MEIG1: variants seen among roughly 807,000 people sequenced by gnomAD.
The protein encoded by MEIG1 is meiosis/spermiogenesis associated 1.
In MEIG1, 12 loss-of-function variants were observed where a neutral mutation model predicts 11.3. That is an observed-to-expected ratio of 1.07 (90% CI 0.68 to 1.73). The LOEUF (loss-of-function observed/expected upper bound fraction) is 1.73. Among genes scored for constraint, MEIG1 ranks in the 40% most tolerant of loss-of-function variants. The pLI is 0.00. For missense variants in MEIG1, 119 were observed against 104.9 expected (o/e 1.13, Z -0.59); for synonymous variants, 41 against 33.2 (o/e 1.24, Z -0.81).
chr10:14,979,558 C>G (rs553710318), intron 1 of MEIG1, among the ~76,000 whole-genome samples: 115 of 152,074 alleles, frequency 7.6e-4, no homozygotes, highest in South Asian at 1.5e-3. Context: ...TACTAATATT[C>G]TAGCGGGATT....
downstream of MEIG1, among the ~76,000 whole-genome samples, chr10:14,976,846 G>T (rs146123342): frequency 0.012 from 1,770 of 152,072 alleles, 23 homozygotes; most frequent in Non-Finnish European, 0.018. Context: ...ACCCTGTCAT[G>T]AAATTCCTAA....
chr10:14,976,252 T>C (rs1843208719), downstream of MEIG1, among the ~76,000 whole-genome samples: 1 of 152,142 alleles, frequency 6.6e-6, no homozygotes, highest in Non-Finnish European at 1.5e-5. Context: ...GTCACCGGGG[T>C]ATACACCCTG....
upstream of MEIG1, among the ~76,000 whole-genome samples, chr10:14,957,944 C>T (rs1255204942): frequency 2.0e-5 from 3 of 152,216 alleles, no homozygotes; most frequent in African/African-American, 7.2e-5. Flanking sequence ...CCGCGCCCGG[C>T]CTTGACTTAG....
At chr10:14,957,471 C>T (rs559508419), upstream of MEIG1, among the ~76,000 whole-genome samples, 2 of 152,312 alleles carry the variant, frequency 1.3e-5, no homozygotes, top group South Asian at 4.1e-4. Flanking sequence ...GCCAGTGTGG[C>T]TGCAGCAGAA....
chr10:14,978,773 A>G (rs904180242), intron 1 of MEIG1, among the ~76,000 whole-genome samples: 7 of 151,948 alleles, frequency 4.6e-5, no homozygotes, highest in Non-Finnish European at 8.8e-5. Context: ...ATTATTCGTA[A>G]TATCCTAGCG....
At chr10:14,980,203 G>T (rs1843250176) in intron 1 of MEIG1, among the ~76,000 whole-genome samples, 1 of 151,944 alleles carries the variant, frequency 6.6e-6, no homozygotes, top group African/African-American at 2.4e-5. Context: ...AGTATCCCAG[G>T]GGGATGTTAC....
At chr10:14,971,916 A>G (rs1843155396) in intron 2 of MEIG1, among the ~76,000 whole-genome samples, 1 of 152,190 alleles carries the variant, frequency 6.6e-6, no homozygotes, top group African/African-American at 2.4e-5. Flanking sequence ...CAGCAGTTCC[A>G]GGACAGCTTG....
At position 14,972,565 on chromosome 10, in the gene MEIG1, A is replaced by G; in HGVS notation, c.191A>G (p.Asn64Ser). The stretch of plus-strand genomic sequence containing the variant: ...GTGAAGAAACTTCAGAGAAGGGACA[A>G]TACGTTCTATTACTACAACAAACAG... ...GYVKKLQRRD[N>S]TFYYYNKQRE... The change falls in exon 3 of 3, where the codon AAT becomes AGT. Residue 64 changes from asparagine to serine, a missense_variant. Coordinates refer to ENST00000407572, the MANE Select transcript of MEIG1 (RefSeq NM_001080836.3). The G allele has an allele frequency of 6.2e-7, 1 of 1,614,072 alleles. No individual in the cohort carries two copies. Among genetic ancestry groups the G allele is most frequent in the Non-Finnish European group, 8.5e-7 (1 of 1,179,964 alleles).
chr10:14,982,709 G>A (rs55706505), intron 1 of MEIG1, among the ~76,000 whole-genome samples: 114 of 151,960 alleles, frequency 7.5e-4, no homozygotes, highest in Non-Finnish European at 1.3e-3. Context: ...GTGGAATGAC[G>A]CAATGTTACC....
At chr10:14,963,993 G>A (rs1363417922) in intron 1 of MEIG1, among the ~76,000 whole-genome samples, 3 of 151,690 alleles carry the variant, frequency 2.0e-5, no homozygotes, top group African/African-American at 4.8e-5. Flanking sequence ...AGCTACTCAG[G>A]AGGCTGAGGC....
At chr10:14,972,389 C>T in intron 2 of MEIG1, 124 bp from the exon 3 acceptor site, 1 of 1,254,074 alleles carries the variant, frequency 8.0e-7, no homozygotes, top group Non-Finnish European at 1.1e-6. Flanking sequence ...AAAGCTCAAG[C>T]ATTCTAAAAT....
chr10:14,971,132 A>T (rs1268494384), intron 2 of MEIG1, among the ~76,000 whole-genome samples: 1 of 151,862 alleles, frequency 6.6e-6, no homozygotes, highest in Non-Finnish European at 1.5e-5. Context: ...CACACCTGCA[A>T]TCCCAACACT....
rs569566335 is a variant in MEIG1, at chr10:14,986,032, G to A, written n.67-764G>A. 9.2e-5 allele frequency among the ~76,000 whole-genome samples: 14 copies of A among 152,226 alleles called. 1 individual carries two copies. The South Asian group carries it at 2.9e-3, about 32-fold the overall frequency. Reference sequence around the variant, plus strand: ...GGGAGATATTGCTTCTAATATCACAGTGGGTGTACCCCATGTGTGTATACT... The same window carrying A: ...GGGAGATATTGCTTCTAATATCACAATGGGTGTACCCCATGTGTGTATACT... On this transcript the variant is annotated intron_variant and non_coding_transcript_variant, in intron 1 of 2. Transcript: ENST00000467536.
chr10:14,961,622 C>T (rs1249811370), intron 1 of MEIG1, among the ~76,000 whole-genome samples: 1 of 128,474 alleles, frequency 7.8e-6, no homozygotes, highest in East Asian at 2.3e-4. Flanking sequence ...CAGGCAGCCG[C>T]CACCGCATCC....
intron 1 of MEIG1, among the ~76,000 whole-genome samples, chr10:14,965,675 TGAGA>T (rs749211535): frequency 0.015 from 1,502 of 101,112 alleles, 9 homozygotes; most frequent in Admixed American, 0.027. Context: ...ATTCCCTTTT[TGAGA>T]GAGAGAGAGA....
downstream of MEIG1, among the ~76,000 whole-genome samples, chr10:14,976,069 T>C (rs183771569): frequency 1.6e-3 from 246 of 152,152 alleles, 1 homozygote; most frequent in Non-Finnish European, 1.8e-4. Flanking sequence ...GTGATATTAC[T>C]CCCCGCATCG....
intron 1 of MEIG1, among the ~76,000 whole-genome samples, chr10:14,984,280 T>A (rs770962842): frequency 6.6e-6 from 1 of 151,970 alleles, no homozygotes; most frequent in Non-Finnish European, 1.5e-5. Flanking sequence ...ACTCCCCGAT[T>A]TTTCCGAGGA....
intron 1 of MEIG1, among the ~76,000 whole-genome samples, chr10:14,986,433 G>A (rs1474464071): frequency 6.6e-6 from 1 of 152,208 alleles, no homozygotes. Flanking sequence ...ATCTGGAATT[G>A]TGCAAGAAAT....
At chr10:14,976,746 G>A (rs1281348395), downstream of MEIG1, among the ~76,000 whole-genome samples, 2 of 151,748 alleles carry the variant, frequency 1.3e-5, no homozygotes, top group Non-Finnish European at 2.9e-5. Context: ...CTATAGAAAT[G>A]TTACTCGTAA....
Sources: gnomAD v4.1 joint callset for allele counts (sites outside exome capture counted in the v4.1 genomes callset) on GRCh38, gnomAD v4.1.1 for gene constraint, MANE v1.5 for transcripts, NCBI Gene and HGNC (gene_info 2026-07-23, HGNC 2026-07-21) for gene names.